Variants in DPP6 observed in about 807,000 individuals in gnomAD.
The protein encoded by DPP6 is dipeptidyl peptidase like 6.
Under a neutral mutation model 122.6 loss-of-function variants are expected in DPP6, and 69 were observed. That is an observed-to-expected ratio of 0.56 (90% CI 0.46 to 0.69). The LOEUF (loss-of-function observed/expected upper bound fraction) is 0.69, where lower values mean the gene tolerates loss of function less well. Ranked by LOEUF, DPP6 falls within the 30% of genes least tolerant of loss-of-function variation. The pLI is 0.00. For synonymous variants in DPP6, 418 were observed against 433.1 expected, an observed-to-expected ratio of 0.97 and a Z score of 0.43; for missense variants, 928 against 1,116.9, an observed-to-expected ratio of 0.83 and a Z score of 2.41.
At chr7:154,640,162 G>A (rs958331900) in intron 6 of DPP6, among the ~76,000 whole-genome samples, 9 of 152,190 alleles carry the variant, frequency 5.9e-5, no homozygotes, top group Admixed American at 4.6e-4. Flanking sequence ...TGAGGCAGGA[G>A]AATCGCTTGA....
chr7:153,910,463 T>C (rs1003220809), intron 1 of DPP6, among the ~76,000 whole-genome samples: 4 of 152,090 alleles, frequency 2.6e-5, no homozygotes, highest in African/African-American at 9.7e-5. Context: ...CTTATTTCCT[T>C]TTCCTGGCTG....
chr7:154,060,294 C>CT (rs1403735441), intron 1 of DPP6, among the ~76,000 whole-genome samples: 1 of 134,104 alleles, frequency 7.5e-6, no homozygotes, highest in Non-Finnish European at 1.6e-5. Flanking sequence ...GGCAATCCCT[C>CT]TTCCCCCCCT....
chr7:153,993,807 C>G (rs548155721), intron 1 of DPP6, among the ~76,000 whole-genome samples: 1 of 152,288 alleles, frequency 6.6e-6, no homozygotes, highest in African/African-American at 2.4e-5. Context: ...AAAAGTAGAC[C>G]ACAGTTAATA....
chr7:153,820,470 G>C, the DPP6 span, among the ~76,000 whole-genome samples: 1 of 152,162 alleles, frequency 6.6e-6, no homozygotes, highest in Non-Finnish European at 1.5e-5. Flanking sequence ...CAAGAACCCA[G>C]GTCCCTCCAC....
At chr7:154,382,457 C>T (rs1166403690) in intron 1 of DPP6, among the ~76,000 whole-genome samples, 1 of 152,204 alleles carries the variant, frequency 6.6e-6, no homozygotes, top group Non-Finnish European at 1.5e-5. Flanking sequence ...ACCATTGAGG[C>T]AGCCTGGGAG....
At chr7:153,789,380 C>T in the DPP6 span, among the ~76,000 whole-genome samples, 1 of 152,110 alleles carries the variant, frequency 6.6e-6, no homozygotes, top group Non-Finnish European at 1.5e-5. Context: ...TGTCTATCTA[C>T]AATATGACAG....
At chr7:154,243,003 C>G (rs1395503709) in intron 1 of DPP6, among the ~76,000 whole-genome samples, 1 of 152,164 alleles carries the variant, frequency 6.6e-6, no homozygotes, top group Non-Finnish European at 1.5e-5. Flanking sequence ...AAAGTCCACA[C>G]CATAGCAGTA....
intron 1 of DPP6, among the ~76,000 whole-genome samples, chr7:154,120,770 G>A (rs1317894214): frequency 1.3e-5 from 2 of 152,212 alleles, no homozygotes; most frequent in Admixed American, 6.5e-5. Context: ...GGAAATTCTT[G>A]TGAAATTAAA....
chr7:154,094,245 A>G (rs1027766411), intron 1 of DPP6: 1 of 152,172 alleles, frequency 6.6e-6, no homozygotes, highest in Non-Finnish European at 1.5e-5. Context: ...ACAAATTCAT[A>G]AACATTGATT....
intron 1 of DPP6, among the ~76,000 whole-genome samples, chr7:154,167,526 G>C (rs1797314210): frequency 6.6e-6 from 1 of 152,250 alleles, no homozygotes; most frequent in African/African-American, 2.4e-5. Context: ...TTTTAAGCCA[G>C]ATCTTGAGAT....
intron 1 of DPP6, among the ~76,000 whole-genome samples, chr7:153,916,958 C>T (rs534162553): frequency 6.6e-6 from 1 of 152,184 alleles, no homozygotes; most frequent in African/African-American, 2.4e-5. Context: ...TAGAGCATCG[C>T]TGATTAGTGT....
At chr7:154,397,337 G>A (rs971208559) in intron 1 of DPP6, among the ~76,000 whole-genome samples, 1 of 151,758 alleles carries the variant, frequency 6.6e-6, no homozygotes, top group African/African-American at 2.4e-5. Flanking sequence ...TTATGAAAAT[G>A]GTAATGGAAG....
chr7:154,458,223 A>AT (rs1820968543), intron 2 of DPP6, among the ~76,000 whole-genome samples: 1 of 152,124 alleles, frequency 6.6e-6, no homozygotes, highest in Admixed American at 6.5e-5. Context: ...GAGGTAATTG[A>AT]ATCATGGGGG....
chr7:153,749,642 G>A, the DPP6 span, among the ~76,000 whole-genome samples: 1 of 152,160 alleles, frequency 6.6e-6, no homozygotes, highest in Non-Finnish European at 1.5e-5. The surrounding 1 kb of genome is among the most constrained non-coding windows in gnomAD (Gnocchi z 4.1). Context: ...TTACTCCCAC[G>A]CGCAAAAAAC....
chr7:154,131,306 A>C (rs558163216), intron 1 of DPP6, among the ~76,000 whole-genome samples: 1 of 152,336 alleles, frequency 6.6e-6, no homozygotes, highest in South Asian at 2.1e-4. Flanking sequence ...TTGCCATGAT[A>C]TCTTCTTTCC....
At chr7:153,782,063 T>C in the DPP6 span, among the ~76,000 whole-genome samples, 2 of 149,826 alleles carry the variant, frequency 1.3e-5, no homozygotes, top group Admixed American at 6.7e-5. Context: ...AGGATCACTG[T>C]GGTAGACACC....
Position 154,637,820 on chromosome 7 carries a change from G to T in DPP6, c.628-1G>T. On this transcript the variant is annotated splice_acceptor_variant, in intron 5 of 25. Transcript: ENST00000377770. LOFTEE classifies it high-confidence loss of function. The stretch of plus-strand genomic sequence containing the variant: ...CCTTTTTTCCTTTTTGTCTGTTGCA[G>T]ATATATCAACACTCGTATACTGGAT... 2.5e-6 allele frequency: 4 copies of T among 1,577,210 alleles called. No individual in the cohort carries two copies. Among genetic ancestry groups the T allele is most frequent in the Non-Finnish European group, 3.4e-6 (4 of 1,160,138 alleles).
chr7:153,986,170 C>A (rs2129040074), intron 1 of DPP6, among the ~76,000 whole-genome samples: 1 of 152,290 alleles, frequency 6.6e-6, no homozygotes. Flanking sequence ...TTTTCTTTCC[C>A]AGTCCCCATT....
intron 16 of DPP6, among the ~76,000 whole-genome samples, chr7:154,846,899 C>T (rs1053300742): frequency 6.6e-6 from 1 of 152,106 alleles, no homozygotes; most frequent in South Asian, 2.1e-4. Flanking sequence ...TGGCCCATGT[C>T]GATAGGTGTA....
Sources: gnomAD v4.1 joint callset for allele counts (sites outside exome capture counted in the v4.1 genomes callset) on GRCh38, gnomAD v4.1.1 for gene constraint, Gnocchi (gnomAD v3.1) non-coding constraint, MANE v1.5 for transcripts, NCBI Gene and HGNC (gene_info 2026-07-23, HGNC 2026-07-21) for gene names.